B3GALNT2: variants seen among roughly 807,000 people sequenced by gnomAD.
The protein encoded by B3GALNT2 is beta-1,3-N-acetylgalactosaminyltransferase 2.
B3GALNT2 carries 53 observed loss-of-function variants against 61.1 expected under a neutral mutation model. The ratio of observed to expected loss-of-function variants is 0.87; its 90% CI spans 0.70 to 1.09. The LOEUF is 1.09. Ranked by LOEUF, B3GALNT2 falls within the 50% of genes least tolerant of loss-of-function variation. The pLI is 0.00. For missense variants in B3GALNT2, 544 were observed against 623.0 expected (o/e 0.87, Z 1.35); for synonymous variants, 223 against 237.4 (o/e 0.94, Z 0.56).
intron 1 of B3GALNT2, among the ~76,000 whole-genome samples, chr1:235,501,967 G>C (rs1685600662): frequency 6.6e-6 from 1 of 152,092 alleles, no homozygotes; most frequent in African/African-American, 2.4e-5. Context: ...AGCTTTGAAA[G>C]TACCAAAAGG....
In B3GALNT2 at chr1:235,458,628, C is replaced by T. The variant is rs1199566906; in HGVS notation, c.1000G>A (p.Ala334Thr). 2 of 1,606,114 alleles carry T rather than the reference C, an allele frequency of 1.2e-6. No homozygotes were observed. Among genetic ancestry groups the T allele is most frequent in the South Asian group, 2.3e-5 (2 of 88,876 alleles). Residue 334 changes from alanine to threonine, a missense_variant, in exon 8 of 12, where the codon GCA (alanine) becomes ACA (threonine). Physicochemically the swap from Ala to Thr is moderately conservative, Grantham distance 58. Coordinates refer to ENST00000366600, the MANE Select transcript of B3GALNT2 (RefSeq NM_152490.5). ...CATCTATAGAAGTTCAATAATTTTGCAGGAACATTACGATAAGTGTCGACA... is the reference window on the plus strand; with the variant it reads ...CATCTATAGAAGTTCAATAATTTTGTAGGAACATTACGATAAGTGTCGACA... Reference protein sequence around the residue: ...DVVDTYRNVPAKLLNFYRWTV... With the variant: ...DVVDTYRNVPTKLLNFYRWTV...
intron 11 of B3GALNT2, chr1:235,451,645 A>G (rs1375721731): frequency 6.6e-6 from 1 of 151,372 alleles, no homozygotes; most frequent in African/African-American, 2.5e-5. Flanking sequence ...GAATCAGACT[A>G]TCAAAGTGGA....
At chr1:235,488,173 A>G (rs182245515) in intron 3 of B3GALNT2, among the ~76,000 whole-genome samples, 33 of 152,320 alleles carry the variant, frequency 2.2e-4, no homozygotes, top group East Asian at 1.5e-3. Context: ...ATTCTAAGAG[A>G]AAGTTGATTC....
intron 7 of B3GALNT2, 50 bp downstream of exon 7, chr1:235,465,573 CAAGTATAAAGATT>C (rs1683651096): frequency 7.0e-6 from 11 of 1,563,100 alleles, no homozygotes; most frequent in Non-Finnish European, 9.5e-6. Context: ...CCTTTTCTCT[CAAGTATAAAGATT>C]AAGTATAAGA....
At chr1:235,480,905 CAAAAAAAAAAAAAAAAAAAAAA>C (rs55666590) in intron 4 of B3GALNT2, among the ~76,000 whole-genome samples, 23 of 31,138 alleles carry the variant, frequency 7.4e-4, no homozygotes, top group East Asian at 2.1e-3. Flanking sequence ...GACTCTGTCT[CAAAAAAAAAAAAAAAAAAAAAA>C]AAAAAAAAAA....
intron 2 of B3GALNT2, among the ~76,000 whole-genome samples, chr1:235,494,097 T>C (rs1685199630): frequency 6.6e-6 from 1 of 152,170 alleles, no homozygotes; most frequent in Non-Finnish European, 1.5e-5. Context: ...ATACTGCAGA[T>C]TACACAACTA....
chr1:235,459,365 G>C (rs559757579), intron 7 of B3GALNT2, among the ~76,000 whole-genome samples: 1 of 152,224 alleles, frequency 6.6e-6, no homozygotes, highest in African/African-American at 2.4e-5. Context: ...GCTTATGCCT[G>C]TAATCCCAGC....
intron 6 of B3GALNT2, among the ~76,000 whole-genome samples, chr1:235,469,595 C>T (rs910506361): frequency 6.6e-6 from 1 of 152,064 alleles, no homozygotes; most frequent in Non-Finnish European, 1.5e-5. Flanking sequence ...CTCTGTTGCC[C>T]AGGTTGGAGT....
chr1:235,490,689 T>C (rs1258762075), intron 2 of B3GALNT2, among the ~76,000 whole-genome samples: 1 of 152,144 alleles, frequency 6.6e-6, no homozygotes, highest in Non-Finnish European at 1.5e-5. Flanking sequence ...AGACGGTTAT[T>C]AAACATAGCC....
intron 6 of B3GALNT2, 83 bp from the exon 7 acceptor site, chr1:235,465,797 A>C (rs1683666446): frequency 6.6e-7 from 1 of 1,509,272 alleles, no homozygotes; most frequent in African/African-American, 1.4e-5. Flanking sequence ...CAAAAATCAT[A>C]ATATGACTCC....
intron 11 of B3GALNT2, chr1:235,451,802 G>C (rs1682918094): frequency 6.6e-6 from 1 of 152,292 alleles, no homozygotes; most frequent in East Asian, 1.9e-4. Context: ...CAAGAATCCA[G>C]AACAGAAATC....
Position 235,447,978 on chromosome 1 carries a change from G to A in B3GALNT2, c.*2228C>T, listed in dbSNP as rs6429096. Among the ~76,000 whole-genome samples, 114,899 of 151,588 alleles carry A rather than the reference G, an allele frequency of 0.76. 44,487 individuals are homozygous for A. The highest frequency in any genetic ancestry group is 0.93 in the African/African-American group (38,417 of 41,424). On this transcript the variant is annotated 3_prime_UTR_variant, in exon 12 of 12. Transcript: ENST00000366600. ...GTAATCCCAGCACTTTGGGGGGCCA[G>A]GGCGGGCGGATCACGAGGTCAGGAG...
Position 235,495,367 on chromosome 1 carries a change from A to G in B3GALNT2, c.113-539T>C, listed in dbSNP as rs190320551. Among the ~76,000 whole-genome samples, 418 of 152,314 alleles carry G rather than the reference A, an allele frequency of 2.7e-3. 2 individuals carry two copies. The highest frequency in any genetic ancestry group is 9.5e-3 in the African/African-American group (394 of 41,568). On this transcript the variant is annotated intron_variant, in intron 1 of 11. Transcript: ENST00000366600. ...GGCAACTAAAAAAAATGTGCTTTGA[A>G]AAGTGAGGTCCTACATTAATGTTAG...
Position 235,449,158 on chromosome 1 carries a change from T to G in B3GALNT2, c.*1048A>C. ...ATTTTAAAGGGTTACTAGAAATGATTTGGTTGGTCATTTTGGGAAATGTCC... is the reference window on the plus strand; with the variant it reads ...ATTTTAAAGGGTTACTAGAAATGATGTGGTTGGTCATTTTGGGAAATGTCC... On this transcript the variant is annotated 3_prime_UTR_variant, in exon 12 of 12. Transcript: ENST00000366600. 4.0e-6 allele frequency: 1 copy of G among 249,692 alleles called. No individual in the cohort carries two copies. Among genetic ancestry groups the G allele is most frequent in the Non-Finnish European group, 7.9e-6 (1 of 127,338 alleles). The allele number at this position is 249,692 out of a possible 1,614,324, so 15.5% of individuals were successfully genotyped here.
chr1:235,495,547 A>T (rs11803123), intron 1 of B3GALNT2, among the ~76,000 whole-genome samples: 35,042 of 151,940 alleles, frequency 0.23, 4,960 homozygotes, highest in East Asian at 0.52. Context: ...TAAAAAAAAA[A>T]AAAAATAATA....
chr1:235,467,024 G>A (rs908609562), intron 6 of B3GALNT2, among the ~76,000 whole-genome samples: 2 of 152,168 alleles, frequency 1.3e-5, no homozygotes, highest in African/African-American at 4.8e-5. Context: ...AGTAATCTGA[G>A]GTCACTGTAG....
Position 235,448,220 on chromosome 1 carries a change from C to CTCAAAA in B3GALNT2, c.*1985_*1986insTTTTGA. 1.9e-6 allele frequency: 1 copy of CTCAAAA among 527,200 alleles called. No individual in the cohort carries two copies. The highest frequency in any genetic ancestry group is 1.9e-5 in the South Asian group (1 of 54,030). 32.7% of individuals were successfully genotyped at this position (527,200 alleles called of 1,614,324 possible). A position where few individuals can be genotyped will look rare whatever the true frequency, so the allele number is the denominator to read the frequency against. ...CTTAAGTAAGTAAGTAAGTCAGTCT[C>CTCAAAA]AAAAAAAAAAAAAAAAAAAAGACAG... is the stretch of plus-strand genomic sequence containing the variant. On this transcript the variant is annotated 3_prime_UTR_variant, in exon 12 of 12. Coordinates refer to ENST00000366600, the MANE Select transcript of B3GALNT2 (RefSeq NM_152490.5).
At chr1:235,444,552 A>C (rs1682116735), downstream of B3GALNT2, among the ~76,000 whole-genome samples, 1 of 152,122 alleles carries the variant, frequency 6.6e-6, no homozygotes, top group Non-Finnish European at 1.5e-5. Context: ...TATAGGCACG[A>C]ACCACCACAC....
At chr1:235,466,206 ATTTT>A (rs946227086) in intron 6 of B3GALNT2, among the ~76,000 whole-genome samples, 21 of 149,044 alleles carry the variant, frequency 1.4e-4, no homozygotes, top group African/African-American at 5.2e-4. Flanking sequence ...TTAAAAAAAA[ATTTT>A]TTTTTAATTT....
Sources: gnomAD v4.1 joint callset for allele counts (sites outside exome capture counted in the v4.1 genomes callset) on GRCh38, gnomAD v4.1.1 for gene constraint, MANE v1.5 for transcripts, NCBI Gene and HGNC (gene_info 2026-07-23, HGNC 2026-07-21) for gene names.